Variants in ANKFN1 observed in about 807,000 individuals in gnomAD.
The protein encoded by ANKFN1 is ankyrin repeat and fibronectin type-III domain-containing protein 1.
ANKFN1 carries 74 observed loss-of-function variants against 108.7 expected under a neutral mutation model. The ratio of observed to expected loss-of-function variants is 0.68; its 90% confidence interval spans 0.56 to 0.83. ANKFN1 has a LOEUF of 0.83. Ranked by LOEUF, ANKFN1 falls within the 40% of genes least tolerant of loss-of-function variation. ANKFN1 has a pLI of 0.00. For synonymous variants in ANKFN1, 547 were observed against 516.2 expected, an observed-to-expected ratio of 1.06 and a Z score of -0.81; for missense variants, 1,505 against 1,382.3, an observed-to-expected ratio of 1.09 and a Z score of -1.41.
At chr17:56,143,391 C>T (rs1908045669) in intron 4 of ANKFN1, among the ~76,000 whole-genome samples, 1 of 152,124 alleles carries the variant, frequency 6.6e-6, no homozygotes, top group African/African-American at 2.4e-5. Context: ...CTCCTTGGGA[C>T]ACACGCCAGC....
intron 4 of ANKFN1, among the ~76,000 whole-genome samples, chr17:56,137,683 A>C (rs994574023): frequency 6.6e-6 from 1 of 152,198 alleles, no homozygotes; most frequent in Non-Finnish European, 1.5e-5. Flanking sequence ...ATTGCAATAA[A>C]GGGAAAGAGA....
At chr17:56,299,947 A>G (rs1290880662) in intron 3 of ANKFN1, among the ~76,000 whole-genome samples, 16 of 152,222 alleles carry the variant, frequency 1.1e-4, no homozygotes, top group Non-Finnish European at 5.9e-5. Flanking sequence ...AAAAGTTTAT[A>G]CTTGTCATCT....
intron 1 of ANKFN1, among the ~76,000 whole-genome samples, chr17:56,182,735 C>T (rs1215859268): frequency 6.6e-6 from 1 of 152,188 alleles, no homozygotes; most frequent in African/African-American, 2.4e-5. Flanking sequence ...GAAAACTAGC[C>T]TTCTATTGAA....
chr17:56,513,891 G>A lies in ANKFN1; in HGVS notation c.*2622G>A, dbSNP rs2051844393. 6.6e-6 allele frequency among the ~76,000 whole-genome samples: 1 copy of A among 152,102 alleles called. No individual in the cohort carries two copies. Among genetic ancestry groups the A allele is most frequent in the African/African-American group, 2.4e-5 (1 of 41,412 alleles). On this transcript the variant is annotated 3_prime_UTR_variant, in exon 21 of 21. Coordinates refer to ENST00000682825, the MANE Select transcript of ANKFN1 (RefSeq NM_001370326.1). ...GCTTCCATAATTAGCTATTATTCAGGTAGGTTTCCCCATACCTTCACTTTG... is the reference window on the plus strand; with the variant it reads ...GCTTCCATAATTAGCTATTATTCAGATAGGTTTCCCCATACCTTCACTTTG...
intron 1 of ANKFN1, among the ~76,000 whole-genome samples, chr17:56,165,646 A>AT (rs201123514): frequency 3.3e-5 from 5 of 149,530 alleles, no homozygotes; most frequent in African/African-American, 9.8e-5. Context: ...TGTTGGACTC[A>AT]TTTTTTTTTT....
chr17:56,171,632 T>G (rs1910704592), intron 1 of ANKFN1, among the ~76,000 whole-genome samples: 1 of 152,192 alleles, frequency 6.6e-6, no homozygotes, highest in Non-Finnish European at 1.5e-5. Context: ...TTGTAGAAAC[T>G]GCCAAGGAAA....
At chr17:56,121,854 C>T (rs1487573829) in intron 4 of ANKFN1, among the ~76,000 whole-genome samples, 2 of 152,156 alleles carry the variant, frequency 1.3e-5, no homozygotes, top group Admixed American at 6.5e-5. Context: ...CCTAGAGGGC[C>T]TCCTTGCTGT....
intron 6 of ANKFN1, among the ~76,000 whole-genome samples, chr17:56,358,072 G>T (rs1357189245): frequency 6.6e-6 from 1 of 152,104 alleles, no homozygotes; most frequent in Admixed American, 6.6e-5. Flanking sequence ...CACATTAGAT[G>T]CTCAATTCCT....
At chr17:56,051,570 G>A (rs1356045684) in intron 4 of ANKFN1, among the ~76,000 whole-genome samples, 7 of 143,624 alleles carry the variant, frequency 4.9e-5, no homozygotes, top group Non-Finnish European at 9.1e-5. Flanking sequence ...TCTGGCCAGG[G>A]CAATTAGGCA....
intron 19 of ANKFN1, among the ~76,000 whole-genome samples, chr17:56,492,714 C>A (rs2051080448): frequency 6.6e-6 from 1 of 152,050 alleles, no homozygotes; most frequent in Non-Finnish European, 1.5e-5. Context: ...TTAATTAATT[C>A]AATATCTCAG....
In ANKFN1 at chr17:56,354,019, A is replaced by C; in HGVS notation, c.574A>C (p.Arg192=). 1 of 1,613,958 alleles carries C rather than the reference A, an allele frequency of 6.2e-7. No individual in the cohort carries two copies. Among genetic ancestry groups the C allele is most frequent in the South Asian group, 1.1e-5 (1 of 91,068 alleles). The change falls in exon 6 of 21, where the codon AGG becomes CGG. Residue 192 remains arginine, a synonymous_variant. Coordinates refer to ENST00000682825, the MANE Select transcript of ANKFN1 (RefSeq NM_001370326.1). ...TGTGCCCATTGCAAGGATTCTTCTGAGGACAGGGGCCCGAGAAAGTCCACA... is the reference window on the plus strand; with the variant it reads ...TGTGCCCATTGCAAGGATTCTTCTGCGGACAGGGGCCCGAGAAAGTCCACA... ...NNVPIARILL[R]TGARESPHFV... is the part of the protein sequence containing the mutation.
intron 14 of ANKFN1, among the ~76,000 whole-genome samples, chr17:56,463,309 C>A (rs1395661110): frequency 1.3e-5 from 2 of 152,154 alleles, no homozygotes; most frequent in Non-Finnish European, 2.9e-5. Context: ...GTAGCAGATT[C>A]TAGATTCAAA....
intron 1 of ANKFN1, among the ~76,000 whole-genome samples, chr17:56,202,364 T>A (rs772939914): frequency 6.6e-6 from 1 of 152,182 alleles, no homozygotes; most frequent in Non-Finnish European, 1.5e-5. Flanking sequence ...GTGGCTTTTG[T>A]ATGGTTACCA....
intron 3 of ANKFN1, among the ~76,000 whole-genome samples, chr17:56,288,367 GT>G (rs1026022765): frequency 2.0e-5 from 3 of 151,052 alleles, no homozygotes; most frequent in African/African-American, 7.3e-5. Flanking sequence ...GTTTTGTTTT[GT>G]TTTTTTAGCT....
Position 56,227,958 on chromosome 17 carries a change from G to C in ANKFN1, c.53+1G>C, listed in dbSNP as rs141983010. 2 of 1,605,504 alleles carry C rather than the reference G, an allele frequency of 1.2e-6. No individual in the cohort carries two copies. The highest frequency in any genetic ancestry group is 3.4e-5 in the Admixed American group (2 of 58,512). ...ACAGGCATTTTACTTGCAGCAAAAT[G>C]TAAGTACATTTCCTCCTTGAAATGG... On this transcript the variant is annotated splice_donor_variant, in intron 3 of 20. Transcript: ENST00000682825. LOFTEE classifies it high-confidence loss of function.
At chr17:56,153,264 C>T (rs943018161), upstream of ANKFN1, among the ~76,000 whole-genome samples, 56 of 152,210 alleles carry the variant, frequency 3.7e-4, no homozygotes, top group Admixed American at 9.8e-4. Flanking sequence ...TTCACCATTT[C>T]TTTCATTCTT....
intron 3 of ANKFN1, among the ~76,000 whole-genome samples, chr17:56,250,412 G>T (rs1055288956): frequency 6.6e-6 from 1 of 152,218 alleles, no homozygotes; most frequent in African/African-American, 2.4e-5. Flanking sequence ...CTAGGGGAAG[G>T]TGATGGCATA....
chr17:56,363,658 A>G (rs2046584511), intron 6 of ANKFN1, among the ~76,000 whole-genome samples: 1 of 152,232 alleles, frequency 6.6e-6, no homozygotes, highest in African/African-American at 2.4e-5. Flanking sequence ...TAGCTAAGTT[A>G]TGAAATTAAC....
At chr17:56,326,116 C>T (rs780054107) in intron 3 of ANKFN1, 105 bp from the exon 4 acceptor site, 6 of 1,439,190 alleles carry the variant, frequency 4.2e-6, no homozygotes, top group Non-Finnish European at 5.6e-6. Flanking sequence ...CCTTTCTCTC[C>T]CTATGCATCA....
Sources: gnomAD v4.1 joint callset for allele counts (sites outside exome capture counted in the v4.1 genomes callset) on GRCh38, gnomAD v4.1.1 for gene constraint, MANE v1.5 for transcripts, NCBI Gene and HGNC (gene_info 2026-07-23, HGNC 2026-07-21) for gene names.